The following ZNF214 variants were observed in gnomAD, a reference collection of about 807,000 sequenced individuals.
The protein encoded by ZNF214 is zinc finger protein 214.
ZNF214 carries 43 observed loss-of-function variants against 53.9 expected under a neutral mutation model. The observed-to-expected ratio is 0.80, with a 90% CI of 0.63 to 1.03. ZNF214 has a LOEUF of 1.03. Ranked by LOEUF, ZNF214 falls within the 50% of genes least tolerant of loss-of-function variation. The pLI is 0.00. For missense variants in ZNF214, 724 were observed against 719.1 expected (o/e 1.01, Z -0.08); for synonymous variants, 217 against 229.5 (o/e 0.95, Z 0.49).
intron 1 of ZNF214, among the ~76,000 whole-genome samples, chr11:7,018,690 C>T (rs1413894877): frequency 6.6e-6 from 1 of 151,728 alleles, no homozygotes; most frequent in East Asian, 1.9e-4. Context: ...ATAGTAAAGA[C>T]GAGGTTTCAC....
chr11:7,010,010 G>C (rs533514587), intron 1 of ZNF214, among the ~76,000 whole-genome samples: 3 of 152,184 alleles, frequency 2.0e-5, no homozygotes, highest in South Asian at 4.1e-4. Context: ...AAAGCGGTGT[G>C]GTGATTTCTC....
chr11:7,013,923 G>A (rs1212650480), intron 1 of ZNF214, among the ~76,000 whole-genome samples: 1 of 152,152 alleles, frequency 6.6e-6, no homozygotes, highest in Non-Finnish European at 1.5e-5. Flanking sequence ...TTATTGTAAT[G>A]GATGCCAAAA....
intron 1 of ZNF214, among the ~76,000 whole-genome samples, chr11:7,005,812 A>T (rs574991455): frequency 1.6e-4 from 25 of 152,194 alleles, no homozygotes; most frequent in African/African-American, 6.0e-4. Context: ...AATTCTACAT[A>T]CCTTGTGCAT....
At chr11:7,013,458 T>G (rs1364653415) in intron 1 of ZNF214, among the ~76,000 whole-genome samples, 1 of 152,244 alleles carries the variant, frequency 6.6e-6, no homozygotes, top group Non-Finnish European at 1.5e-5. Flanking sequence ...ATTCCCACTA[T>G]CTAAAGTAGC....
chr11:7,018,033 G>A (rs73408542), intron 1 of ZNF214, among the ~76,000 whole-genome samples: 1,891 of 151,922 alleles, frequency 0.012, 34 homozygotes, highest in African/African-American at 0.043. Flanking sequence ...TTTTATATAC[G>A]TGTGTGCATA....
rs181186198 is a variant in ZNF214, at chr11:7,005,030, G to A, written c.-20-2175C>T. ...AAGACTTAAATGTTCCCATATTAAT[G>A]GACGTTAAGATCATTTCCAGTTTCT... On this transcript the variant is annotated intron_variant, in intron 1 of 2. Coordinates refer to ENST00000278314, the MANE Select transcript of ZNF214 (RefSeq NM_013249.4). Among the ~76,000 whole-genome samples the A allele has an allele frequency of 1.1e-4, 17 of 151,972 alleles. No homozygotes were observed. In the East Asian group the frequency reaches 3.3e-3, roughly 29 times the overall value.
intron 1 of ZNF214, among the ~76,000 whole-genome samples, chr11:7,007,855 T>G (rs1196067430): frequency 2.0e-5 from 2 of 99,310 alleles, no homozygotes; most frequent in Non-Finnish European, 4.8e-5. Context: ...ATAGACCATG[T>G]ATTAGTCCAT....
At chr11:7,015,142 A>T (rs1313639802) in intron 1 of ZNF214, among the ~76,000 whole-genome samples, 2 of 141,752 alleles carry the variant, frequency 1.4e-5, no homozygotes, top group African/African-American at 5.3e-5. Context: ...CCCACGCTGG[A>T]GTGCGGTGGC....
In ZNF214 at chr11:7,001,550, A is replaced by G. The variant is rs1000174724; in HGVS notation, c.133T>C (p.Trp45Arg). Residue 45 changes from tryptophan to arginine, a missense_variant, in exon 3 of 3, where the codon TGG (tryptophan) becomes CGG (arginine). Transcript: ENST00000278314. ...NYTNVMSVEN[W>R]NESYKSQEEK... The stretch of plus-strand genomic sequence containing the variant: ...TCTTGGGATTTGTAGCTCTCATTCC[A>G]GTTTTCTAGAAAAATAAAAAGATAA... 8 of 1,587,388 alleles carry G rather than the reference A, an allele frequency of 5.0e-6. No homozygotes were observed. Among genetic ancestry groups the G allele is most frequent in the Non-Finnish European group, 6.8e-6 (8 of 1,168,474 alleles).
At chr11:7,015,297 G>T (rs1236757528) in intron 1 of ZNF214, among the ~76,000 whole-genome samples, 1 of 152,116 alleles carries the variant, frequency 6.6e-6, no homozygotes, top group Non-Finnish European at 1.5e-5. Context: ...TAGGGTTGGG[G>T]TCGGGTGCGG....
At chr11:7,018,308 G>C (rs1438501560) in intron 1 of ZNF214, among the ~76,000 whole-genome samples, 1 of 151,862 alleles carries the variant, frequency 6.6e-6, no homozygotes, top group Non-Finnish European at 1.5e-5. Flanking sequence ...TTCCTTATTT[G>C]TTCCCTCAAA....
Position 7,000,964 on chromosome 11 carries a change from T to G in ZNF214, c.719A>C (p.Asn240Thr). 1 of 1,612,988 alleles carries G rather than the reference T, an allele frequency of 6.2e-7. No individual in the cohort carries two copies. Among genetic ancestry groups the G allele is most frequent in the Non-Finnish European group, 8.5e-7 (1 of 1,179,536 alleles). ...TTGACAGAGGTTTTCTCCAGGTTGA[T>G]TTCTCTTGTGGAAAACACACCGTGA... is the stretch of plus-strand genomic sequence containing the variant. ...WNSRCVFHKR[N>T]QPGENLCQCS... Residue 240 changes from asparagine (N) to threonine (T), a missense_variant, in exon 3 of 3, where the codon AAT (asparagine) becomes ACT (threonine). Coordinates refer to ENST00000278314, the MANE Select transcript of ZNF214 (RefSeq NM_013249.4).
At chr11:7,018,495 C>CATTTTT (rs1851827741) in intron 1 of ZNF214, among the ~76,000 whole-genome samples, 1 of 61,876 alleles carries the variant, frequency 1.6e-5, no homozygotes, top group African/African-American at 6.2e-5. Flanking sequence ...AATGTTAAGA[C>CATTTTT]TTTTTTTTTT....
chr11:7,001,071 T>C lies in ZNF214; in HGVS notation c.612A>G (p.Ile204Met). The C allele has an allele frequency of 6.2e-7, 1 of 1,613,360 alleles. No individual in the cohort carries two copies. Among genetic ancestry groups the C allele is most frequent in the Non-Finnish European group, 8.5e-7 (1 of 1,179,586 alleles). Reference sequence around the variant, plus strand: ...AATCTCTCAGTAGGTCTTCTTGACATATCACCCCAACATACTGTGGAAGGG... The same window carrying C: ...AATCTCTCAGTAGGTCTTCTTGACACATCACCCCAACATACTGTGGAAGGG... ...EEALPQYVGVICQEDLLRDSM... is the reference protein window; with the variant it reads ...EEALPQYVGVMCQEDLLRDSM... Residue 204 changes from isoleucine (I) to methionine (M), a missense_variant, in exon 3 of 3, where the codon ATA (isoleucine) becomes ATG (methionine). By Grantham distance (10) the Ile-to-Met change is conservative. Transcript: ENST00000278314.
At position 7,000,314 on chromosome 11, in the gene ZNF214, G is replaced by C; in HGVS notation, c.1369C>G (p.Leu457Val). 6.2e-7 allele frequency: 1 copy of C among 1,613,316 alleles called. No homozygotes were observed. The highest frequency in any genetic ancestry group is 8.5e-7 in the Non-Finnish European group (1 of 1,179,570). The change falls in exon 3 of 3, where the codon CTT becomes GTT. Residue 457 changes from leucine to valine, a missense_variant. Coordinates refer to ENST00000278314, the MANE Select transcript of ZNF214 (RefSeq NM_013249.4). ...GTATGGACTCTCTGATGAATGCGAA[G>C]ATCTGAGCTGTGACTAAAGTCCTTT... ...CGKDFSHSSD[L>V]RIHQRVHTGE... is the part of the protein sequence containing the mutation.
chr11:7,019,411 A>G (rs1432155851), intron 1 of ZNF214, among the ~76,000 whole-genome samples: 1 of 152,200 alleles, frequency 6.6e-6, no homozygotes, highest in African/African-American at 2.4e-5. Flanking sequence ...TACTAACAAT[A>G]ATAGGAAAGC....
Position 7,000,591 on chromosome 11 carries a change from A to C in ZNF214, c.1092T>G (p.Gly364=). The C allele has an allele frequency of 6.2e-7, 1 of 1,610,446 alleles. No homozygotes were observed. The highest frequency in any genetic ancestry group is 1.1e-5 in the South Asian group (1 of 90,600). ...GTACTGAACTCCGATTAAAACTCTT[A>C]CCACACTGATTACATTTAAAAGGCT... ...GEKPFKCNQC[G]KSFNRSSVLH... The change falls in exon 3 of 3, where the codon GGT becomes GGG. Residue 364 remains glycine, a synonymous_variant. Coordinates refer to ENST00000278314, the MANE Select transcript of ZNF214 (RefSeq NM_013249.4).
chr11:6,999,770 G>A lies in ZNF214; in HGVS notation c.*92C>T. On this transcript the variant is annotated 3_prime_UTR_variant, in exon 3 of 3. Transcript: ENST00000278314. ...CTATAAATGTTGCTTGGGATTACTTGTGTTATTTATAAGATTTCCTTAACA... is the reference window on the plus strand; with the variant it reads ...CTATAAATGTTGCTTGGGATTACTTATGTTATTTATAAGATTTCCTTAACA... The A allele has an allele frequency of 7.4e-7, 1 of 1,348,180 alleles. No individual in the cohort carries two copies. 83.5% of individuals were successfully genotyped at this position (1,348,180 alleles called of 1,614,324 possible). A position where few individuals can be genotyped will look rare whatever the true frequency, so the allele number is the denominator to read the frequency against.
chr11:6,999,594 T>G lies in ZNF214; in HGVS notation c.*268A>C, dbSNP rs1186660694. On this transcript the variant is annotated 3_prime_UTR_variant, in exon 3 of 3. Coordinates refer to ENST00000278314, the MANE Select transcript of ZNF214 (RefSeq NM_013249.4). ...AAAAAAAGACTAGAATGAAATAGAATGAAGAGTTTTCTCCTTAAATGTTTA... is the reference window on the plus strand; with the variant it reads ...AAAAAAAGACTAGAATGAAATAGAAGGAAGAGTTTTCTCCTTAAATGTTTA... 2 of 248,236 alleles carry G rather than the reference T, an allele frequency of 8.1e-6. No homozygotes were observed. The highest frequency in any genetic ancestry group is 1.5e-5 in the Non-Finnish European group (2 of 131,392). The allele number at this position is 248,236 out of a possible 1,614,324, so 15.4% of individuals were successfully genotyped here. A position where few individuals can be genotyped will look rare whatever the true frequency, so the allele number is the denominator to read the frequency against.
Sources: allele counts gnomAD v4.1 joint callset (sites outside exome capture counted in the v4.1 genomes callset), GRCh38; gene constraint gnomAD v4.1.1; transcripts MANE v1.5; gene names NCBI Gene and HGNC (gene_info 2026-07-23, HGNC 2026-07-21).